The following RBFOX1 variants were observed in gnomAD, a reference collection of about 807,000 sequenced individuals.
RBFOX1 encodes the protein RNA binding protein fox-1 homolog 1.
RBFOX1 carries 8 observed loss-of-function variants against 57.7 expected under a neutral mutation model. That is an observed-to-expected ratio of 0.14 (90% confidence interval 0.08 to 0.25). The LOEUF (loss-of-function observed/expected upper bound fraction) is 0.25. Among genes scored for constraint, RBFOX1 ranks in the 10% least tolerant of loss-of-function variants. RBFOX1 has a pLI of 1.00. For synonymous variants in RBFOX1, 326 were observed against 222.4 expected, an observed-to-expected ratio of 1.47 and a Z score of -4.15; for missense variants, 611 against 548.5, an observed-to-expected ratio of 1.11 and a Z score of -1.14.
intron 4 of RBFOX1, among the ~76,000 whole-genome samples, chr16:7,225,990 C>G (rs968780860): frequency 5.3e-5 from 8 of 151,492 alleles, no homozygotes; most frequent in Non-Finnish European, 4.4e-5. Flanking sequence ...TGGCGATGCT[C>G]TAAGGAATGG....
chr16:6,903,546 G>C lies in RBFOX1; in HGVS notation c.-15-148511G>C, dbSNP rs985376773. On this transcript the variant is annotated intron_variant, in intron 3 of 15. Transcript: ENST00000550418. ...AAGCACTTCAATAGGATGTGAGCTCGGAGTGAGTTCCAGAAAGGTGCCCCG... is the reference window on the plus strand; with the variant it reads ...AAGCACTTCAATAGGATGTGAGCTCCGAGTGAGTTCCAGAAAGGTGCCCCG... 2.6e-5 allele frequency among the ~76,000 whole-genome samples: 4 copies of C among 152,162 alleles called. 1 individual carries two copies. The highest frequency in any genetic ancestry group is 5.9e-5 in the Non-Finnish European group (4 of 68,038).
At chr16:6,880,504 T>G (rs1032154741) in intron 3 of RBFOX1, among the ~76,000 whole-genome samples, 3 of 152,122 alleles carry the variant, frequency 2.0e-5, no homozygotes, top group Non-Finnish European at 4.4e-5. Flanking sequence ...CTGGGCCAGG[T>G]AGAGAGATTT....
intron 2 of RBFOX1, among the ~76,000 whole-genome samples, chr16:5,509,006 A>G (rs976683722): frequency 6.6e-6 from 1 of 152,146 alleles, no homozygotes. Context: ...TGTTAACTGG[A>G]CTTCCTTCCC....
intron 3 of RBFOX1, among the ~76,000 whole-genome samples, chr16:6,821,595 A>T (rs752003252): frequency 3.3e-5 from 5 of 152,198 alleles, no homozygotes; most frequent in Non-Finnish European, 7.3e-5. Flanking sequence ...TCGGTCTGTC[A>T]CAATGGATGT....
At chr16:5,913,387 G>A (rs1266766835) in intron 4 of RBFOX1, among the ~76,000 whole-genome samples, 1 of 152,168 alleles carries the variant, frequency 6.6e-6, no homozygotes, top group Non-Finnish European at 1.5e-5. Context: ...AAAGGGGTTT[G>A]GGTGATGGGG....
At chr16:7,253,701 C>A (rs547091325) in intron 4 of RBFOX1, among the ~76,000 whole-genome samples, 1 of 152,236 alleles carries the variant, frequency 6.6e-6, no homozygotes, top group African/African-American at 2.4e-5. Flanking sequence ...GCCTAGAAAC[C>A]CCTACTCCAT....
chr16:5,848,028 C>A (rs571078204), intron 3 of RBFOX1, among the ~76,000 whole-genome samples: 83 of 152,242 alleles, frequency 5.5e-4, no homozygotes, highest in African/African-American at 1.9e-3. Context: ...TAAGCATACC[C>A]TGAGAATTAT....
intron 2 of RBFOX1, among the ~76,000 whole-genome samples, chr16:6,614,191 T>A (rs1488115131): frequency 6.6e-6 from 1 of 152,198 alleles, no homozygotes. Flanking sequence ...TCTTGTTTCT[T>A]CTAAGTAATG....
intron 3 of RBFOX1, among the ~76,000 whole-genome samples, chr16:6,965,672 G>T (rs1334330372): frequency 6.6e-6 from 1 of 152,148 alleles, no homozygotes; most frequent in African/African-American, 2.4e-5. Flanking sequence ...TGGAAAATGT[G>T]AGTCCAGTGA....
intron 4 of RBFOX1, among the ~76,000 whole-genome samples, chr16:7,232,533 G>T (rs1032697928): frequency 2.0e-5 from 3 of 152,064 alleles, no homozygotes; most frequent in African/African-American, 7.2e-5. Context: ...TTATTTAATG[G>T]TGTTCTTTTA....
intron 4 of RBFOX1, among the ~76,000 whole-genome samples, chr16:5,898,610 G>A (rs1406248921): frequency 6.7e-6 from 1 of 149,944 alleles, no homozygotes; most frequent in African/African-American, 2.5e-5. Context: ...AGTCTGTTTT[G>A]CAGATGAATG....
At chr16:6,021,533 GC>G (rs1352072850) in intron 1 of RBFOX1, among the ~76,000 whole-genome samples, 3 of 152,224 alleles carry the variant, frequency 2.0e-5, no homozygotes, top group African/African-American at 7.2e-5. Flanking sequence ...AAAAAGTGGG[GC>G]TGACTCAAAA....
chr16:6,557,089 A>T (rs898998955), intron 2 of RBFOX1, among the ~76,000 whole-genome samples: 2 of 142,064 alleles, frequency 1.4e-5, no homozygotes, highest in African/African-American at 5.1e-5. Flanking sequence ...ATATACATAC[A>T]TATACATATA....
chr16:5,545,528 G>T (rs1001515586), intron 2 of RBFOX1, among the ~76,000 whole-genome samples: 14 of 152,026 alleles, frequency 9.2e-5, no homozygotes, highest in Admixed American at 6.6e-4. Context: ...GTCAAGGGTG[G>T]TTTATGCTAG....
At chr16:6,664,183 CAA>C (rs1335350793) in intron 3 of RBFOX1, among the ~76,000 whole-genome samples, 1 of 152,120 alleles carries the variant, frequency 6.6e-6, no homozygotes, top group Non-Finnish European at 1.5e-5. Context: ...AGGAATGGGA[CAA>C]AGAGATCTAA....
chr16:6,316,966 C>A, intron 1 of RBFOX1, 29 bp from the exon 2 acceptor site: 1 of 1,526,624 alleles, frequency 6.6e-7, no homozygotes, highest in Non-Finnish European at 8.8e-7. Context: ...TTTCTTGATA[C>A]TAAAGTCATT....
At chr16:5,982,214 C>G (rs2060188347) in intron 4 of RBFOX1, among the ~76,000 whole-genome samples, 1 of 152,158 alleles carries the variant, frequency 6.6e-6, no homozygotes, top group African/African-American at 2.4e-5. Flanking sequence ...TACATTGCCG[C>G]CAAGTTGTTT....
chr16:7,442,784 C>T (rs959382359), intron 4 of RBFOX1, among the ~76,000 whole-genome samples: 3 of 152,146 alleles, frequency 2.0e-5, no homozygotes, highest in African/African-American at 7.2e-5. Context: ...AGACGTCGAT[C>T]GTCACCCACC....
chr16:7,106,592 T>G (rs576134820), intron 4 of RBFOX1, among the ~76,000 whole-genome samples: 144 of 152,260 alleles, frequency 9.5e-4, no homozygotes, highest in African/African-American at 3.3e-3. Context: ...ATCTTTTAGA[T>G]ATCTGTCTAT....
Sources: allele counts gnomAD v4.1 joint callset (sites outside exome capture counted in the v4.1 genomes callset), GRCh38; gene constraint gnomAD v4.1.1; transcripts MANE v1.5; gene names NCBI Gene and HGNC (gene_info 2026-07-23, HGNC 2026-07-21).